ABCA13: variants seen among roughly 807,000 people sequenced by gnomAD.
ABCA13 encodes ATP-binding cassette sub-family A member 13.
Under a neutral mutation model 478.7 loss-of-function variants are expected in ABCA13, and 476 were observed. That is an observed-to-expected ratio of 0.99 (90% CI 0.92 to 1.07). ABCA13 has a LOEUF of 1.07. Ranked by LOEUF, ABCA13 falls within the 50% of genes least tolerant of loss-of-function variation. The pLI, the probability that ABCA13 is intolerant of heterozygous loss-of-function variation, is 0.00. For synonymous variants in ABCA13, 2,252 were observed against 2,158.9 expected (o/e 1.04, Z -1.20); for missense variants, 6,060 against 5,910.6 (o/e 1.03, Z -0.83).
In ABCA13 at chr7:48,573,641, G is replaced by A. The variant is rs556127849; in HGVS notation, c.14355-6583G>A. On this transcript the variant is annotated intron_variant, in intron 55 of 61. Coordinates refer to ENST00000435803, the MANE Select transcript of ABCA13 (RefSeq NM_152701.5). Reference sequence around the variant, plus strand: ...CTGAGCTACTTGGGAGGCTGAGGTGGGAGGATTGCTGGAGCCCAGGAGTTC... The same window carrying A: ...CTGAGCTACTTGGGAGGCTGAGGTGAGAGGATTGCTGGAGCCCAGGAGTTC... Among the ~76,000 whole-genome samples, 26 of 152,212 alleles carry A rather than the reference G, an allele frequency of 1.7e-4. No individual in the cohort carries two copies. The East Asian group carries it at 4.1e-3, about 24-fold the overall frequency.
At chr7:48,289,088 G>T (rs149556445) in intron 20 of ABCA13, among the ~76,000 whole-genome samples, 3 of 152,152 alleles carry the variant, frequency 2.0e-5, no homozygotes, top group African/African-American at 7.2e-5. Flanking sequence ...AGCCATGCCA[G>T]ACTCCCACAG....
Position 48,229,826 on chromosome 7 carries a change from TCCTTAATATC to T in ABCA13, c.638_647del (p.Leu213Ter), listed in dbSNP as rs1335890801. Reference sequence around the variant, plus strand: ...CTTTTTGTTTTGTTTTGGTTCTAGTTCCTTAATATCCCTAGAAGATTTAGATTGGCTTCCA... The same window carrying T: ...CTTTTTGTTTTGTTTTGGTTCTAGTTCCTAGAAGATTTAGATTGGCTTCCA... On this transcript the variant is annotated frameshift_variant and splice_region_variant, in exon 7 of 62. Coordinates refer to ENST00000435803, the MANE Select transcript of ABCA13 (RefSeq NM_152701.5). LOFTEE classifies it high-confidence loss of function. 5.0e-6 allele frequency: 8 copies of T among 1,613,800 alleles called. No individual in the cohort carries two copies. Among genetic ancestry groups the T allele is most frequent in the Non-Finnish European group, 6.8e-6 (8 of 1,179,868 alleles).
At chr7:48,198,981 G>T (rs1004394725) in intron 3 of ABCA13, among the ~76,000 whole-genome samples, 1 of 152,138 alleles carries the variant, frequency 6.6e-6, no homozygotes, top group African/African-American at 2.4e-5. Flanking sequence ...TTAACTTGGG[G>T]GATACTGAAT....
At chr7:48,604,382 C>A (rs1249991571) in intron 58 of ABCA13, among the ~76,000 whole-genome samples, 1 of 152,142 alleles carries the variant, frequency 6.6e-6, no homozygotes, top group Non-Finnish European at 1.5e-5. Flanking sequence ...CTATAAATTT[C>A]CCTCTACACA....
At chr7:48,231,786 C>A (rs1030818140) in intron 7 of ABCA13, among the ~76,000 whole-genome samples, 1 of 152,094 alleles carries the variant, frequency 6.6e-6, no homozygotes, top group Admixed American at 6.5e-5. Context: ...CTCAGCCAAC[C>A]AAATAGCTGG....
At chr7:48,368,070 G>T (rs1465590067) in intron 32 of ABCA13, among the ~76,000 whole-genome samples, 162 bp downstream of exon 32, 1 of 152,054 alleles carries the variant, frequency 6.6e-6, no homozygotes, top group Non-Finnish European at 1.5e-5. Flanking sequence ...CCAGAAAGAA[G>T]ATTTTATGTT....
At chr7:48,437,180 A>G (rs991473604) in intron 42 of ABCA13, among the ~76,000 whole-genome samples, 8 of 151,880 alleles carry the variant, frequency 5.3e-5, no homozygotes, top group African/African-American at 1.9e-4. Flanking sequence ...TATTTGCTTC[A>G]TATGTTATGA....
intron 5 of ABCA13, among the ~76,000 whole-genome samples, chr7:48,224,677 G>A (rs1363699457): frequency 6.6e-6 from 1 of 152,058 alleles, no homozygotes; most frequent in Non-Finnish European, 1.5e-5. Flanking sequence ...ATGTTACCTT[G>A]AAACAAGAGG....
intron 9 of ABCA13, among the ~76,000 whole-genome samples, chr7:48,239,644 A>G (rs1406801087): frequency 6.6e-6 from 1 of 152,192 alleles, no homozygotes; most frequent in Non-Finnish European, 1.5e-5. Flanking sequence ...CTAGGCTTGC[A>G]CACACACCTT....
intron 6 of ABCA13, 95 bp from the exon 7 acceptor site, chr7:48,229,730 G>A (rs1788770066): frequency 1.4e-6 from 2 of 1,457,262 alleles, no homozygotes; most frequent in East Asian, 2.3e-5. Flanking sequence ...CAGCACTAGG[G>A]GCCCAGTCCA....
intron 51 of ABCA13, among the ~76,000 whole-genome samples, chr7:48,513,551 T>C (rs757351556): frequency 6.6e-6 from 1 of 152,204 alleles, no homozygotes; most frequent in Non-Finnish European, 1.5e-5. Context: ...TGCAGAATCC[T>C]GCTTGGTGTC....
intron 31 of ABCA13, among the ~76,000 whole-genome samples, chr7:48,361,829 T>G (rs1380541646): frequency 1.3e-5 from 2 of 151,852 alleles, no homozygotes; most frequent in African/African-American, 4.8e-5. Context: ...CAGGTGAAAA[T>G]TCTCAAGAAT....
chr7:48,573,774 G>A (rs1239034895), intron 55 of ABCA13, among the ~76,000 whole-genome samples: 1 of 151,966 alleles, frequency 6.6e-6, no homozygotes, highest in Admixed American at 6.6e-5. Context: ...CACAAACTTA[G>A]TGGCTTAAAC....
At chr7:48,184,677 A>G (rs781414914) in intron 1 of ABCA13, among the ~76,000 whole-genome samples, 28 of 152,064 alleles carry the variant, frequency 1.8e-4, no homozygotes, top group Middle Eastern at 3.2e-3. Flanking sequence ...AAAATTAGCC[A>G]GGCATGGTGG....
At chr7:48,621,690 T>C (rs17663162) in intron 59 of ABCA13, among the ~76,000 whole-genome samples, 33,745 of 152,184 alleles carry the variant, frequency 0.22, 3,930 homozygotes, top group East Asian at 0.28. Context: ...TAACTTTAGA[T>C]TGGTATTCCA....
At chr7:48,297,786 C>CTTTTT (rs11393352) in intron 22 of ABCA13, among the ~76,000 whole-genome samples, 2 of 141,996 alleles carry the variant, frequency 1.4e-5, no homozygotes, top group African/African-American at 5.4e-5. Context: ...TTCTTTCTTT[C>CTTTTT]TTTTTTTTTT....
In ABCA13 at chr7:48,644,734, A is replaced by T; in HGVS notation, c.15061A>T (p.Asn5021Tyr). ...TFLNIKHYSI[N>Y]QTTLEQVFIN... ...CTTGAATATTAAGCATTATTCCATT[A>T]ACCAAACCACTTTGGAGCAGGTATA... The change falls in exon 61 of 62, where the codon AAC becomes TAC. Residue 5021 changes from asparagine (N) to tyrosine (Y), a missense_variant. Physicochemically the swap from Asn to Tyr is moderately radical, Grantham distance 143. This residue lies in a region of ABCA13 where 1,627 missense variants were observed against 1,571.0 expected (regional missense o/e 1.04). Coordinates refer to ENST00000435803, the MANE Select transcript of ABCA13 (RefSeq NM_152701.5). The T allele has an allele frequency of 6.2e-7, 1 of 1,602,618 alleles. No homozygotes were observed. The highest frequency in any genetic ancestry group is 8.5e-7 in the Non-Finnish European group (1 of 1,176,834).
intron 18 of ABCA13, among the ~76,000 whole-genome samples, chr7:48,280,352 C>T (rs1231769543): frequency 6.6e-6 from 1 of 152,220 alleles, no homozygotes; most frequent in East Asian, 1.9e-4. Flanking sequence ...AAGGGCCAGG[C>T]AGCTGCTGGC....
chr7:48,558,914 G>T (rs958257122), intron 55 of ABCA13, among the ~76,000 whole-genome samples: 20 of 152,154 alleles, frequency 1.3e-4, no homozygotes, highest in African/African-American at 4.8e-4. Context: ...GGGCTTGTTT[G>T]TGCCCATATT....
Sources: gnomAD v4.1 joint callset for allele counts (sites outside exome capture counted in the v4.1 genomes callset) on GRCh38, gnomAD v4.1.1 for gene constraint, gnomAD v4.1.1 regional missense constraint, MANE v1.5 for transcripts, NCBI Gene and HGNC (gene_info 2026-07-23, HGNC 2026-07-21) for gene names.